MREG: variants seen among roughly 807,000 people sequenced by gnomAD.
MREG encodes the protein dilute suppressor protein homolog.
A neutral mutation model predicts 28.5 loss-of-function variants in MREG; 31 were observed. The observed-to-expected ratio is 1.09, with a 90% CI of 0.82 to 1.47. The LOEUF (loss-of-function observed/expected upper bound fraction) is 1.47, where lower values mean the gene tolerates loss of function less well. Ranked by LOEUF, MREG falls within the 40% of genes most tolerant of loss-of-function variation. MREG has a pLI of 0.00. For missense variants in MREG, 256 were observed against 257.4 expected, an observed-to-expected ratio of 0.99 and a Z score of 0.04; for synonymous variants, 106 against 95.2, an observed-to-expected ratio of 1.11 and a Z score of -0.66.
At chr2:215,942,490 C>T (rs907965614), downstream of MREG, among the ~76,000 whole-genome samples, 35 of 152,274 alleles carry the variant, frequency 2.3e-4, no homozygotes, top group African/African-American at 8.2e-4. Context: ...TCCTTAAACC[C>T]ATGAGTGTTT....
rs1693401181 is a variant in MREG, at chr2:215,980,682, C to T, written c.255+15624G>A. 6.6e-5 allele frequency among the ~76,000 whole-genome samples: 10 copies of T among 152,274 alleles called. No homozygotes were observed. The South Asian group carries it at 2.1e-3, about 32-fold the overall frequency. On this transcript the variant is annotated intron_variant, in intron 2 of 4. Transcript: ENST00000263268. ...CAGTGGCTCATGCCTGTAATCCCAGCACTTGGGGAGGCCAAGGTACTCGGG... is the reference window on the plus strand; with the variant it reads ...CAGTGGCTCATGCCTGTAATCCCAGTACTTGGGGAGGCCAAGGTACTCGGG...
At chr2:215,984,587 AAACTCCT>A (rs1484141890) in intron 2 of MREG, among the ~76,000 whole-genome samples, 10 of 152,034 alleles carry the variant, frequency 6.6e-5, no homozygotes, top group South Asian at 4.2e-4. Context: ...AGCTATGTAC[AAACTCCT>A]AAAGGAACTG....
At chr2:216,016,842 C>T (rs138260499), upstream of MREG, among the ~76,000 whole-genome samples, 13 of 152,308 alleles carry the variant, frequency 8.5e-5, 1 homozygote, top group South Asian at 6.2e-4. Flanking sequence ...ATCTATTTAA[C>T]AAACTTGATC....
intron 2 of MREG, among the ~76,000 whole-genome samples, chr2:215,972,085 A>G (rs1265720507): frequency 3.3e-5 from 5 of 152,042 alleles, no homozygotes; most frequent in Non-Finnish European, 1.5e-5. Flanking sequence ...TGGACAGGAA[A>G]CCACCTGGAT....
chr2:215,981,779 T>A (rs1693433728), intron 2 of MREG, among the ~76,000 whole-genome samples: 1 of 152,158 alleles, frequency 6.6e-6, no homozygotes, highest in South Asian at 2.1e-4. Context: ...AGTGACTATG[T>A]CCCAAACTGG....
At chr2:215,968,994 A>T (rs111766770) in intron 2 of MREG, among the ~76,000 whole-genome samples, 1 of 152,218 alleles carries the variant, frequency 6.6e-6, no homozygotes, top group African/African-American at 2.4e-5. Context: ...CCTGAGCTCA[A>T]GCAATCCTCC....
chr2:215,952,390 T>G (rs1171213400), intron 2 of MREG, among the ~76,000 whole-genome samples: 1 of 152,178 alleles, frequency 6.6e-6, no homozygotes, highest in Non-Finnish European at 1.5e-5. Context: ...TTAATTTGAC[T>G]GCGGCAATCA....
At chr2:216,032,803 G>T (rs1694730147) in exon 1 of MREG, 1 of 152,152 alleles carries the variant, frequency 6.6e-6, no homozygotes, top group Non-Finnish European at 1.5e-5. Context: ...CTTGAATACG[G>T]TTTAGAATCT....
At chr2:215,947,612 C>T (rs1406711194) in intron 2 of MREG, among the ~76,000 whole-genome samples, 1 of 152,204 alleles carries the variant, frequency 6.6e-6, no homozygotes, top group African/African-American at 2.4e-5. Context: ...GAAGCCAAGT[C>T]TGGCTCAAAA....
At chr2:215,955,407 T>C (rs1034718207) in intron 2 of MREG, among the ~76,000 whole-genome samples, 1 of 152,242 alleles carries the variant, frequency 6.6e-6, no homozygotes, top group Non-Finnish European at 1.5e-5. Context: ...CGTGGATTCA[T>C]GCACTATATA....
intron 1 of MREG, among the ~76,000 whole-genome samples, chr2:216,031,499 GAAA>G (rs1471893949): frequency 7.1e-5 from 9 of 126,370 alleles, no homozygotes; most frequent in East Asian, 2.4e-4. Flanking sequence ...GAAAGAGAAA[GAAA>G]GAGAGAAAGG....
At chr2:216,009,678 G>A (rs1694246565) in intron 1 of MREG, among the ~76,000 whole-genome samples, 1 of 152,130 alleles carries the variant, frequency 6.6e-6, no homozygotes, top group Non-Finnish European at 1.5e-5. Flanking sequence ...TGGGATTACA[G>A]GTGCCCGCCA....
At chr2:215,977,411 A>G (rs945739565) in intron 2 of MREG, among the ~76,000 whole-genome samples, 4 of 152,194 alleles carry the variant, frequency 2.6e-5, no homozygotes, top group African/African-American at 9.7e-5. Context: ...AGAGACTTAG[A>G]CTCCCACACA....
At chr2:216,008,789 A>G (rs1280402943) in intron 1 of MREG, among the ~76,000 whole-genome samples, 1 of 152,212 alleles carries the variant, frequency 6.6e-6, no homozygotes, top group Non-Finnish European at 1.5e-5. Flanking sequence ...TGGCCCACAG[A>G]TACAAAGCAT....
intron 2 of MREG, among the ~76,000 whole-genome samples, chr2:215,967,243 G>C (rs1224938931): frequency 1.3e-5 from 2 of 152,070 alleles, no homozygotes; most frequent in African/African-American, 4.8e-5. Flanking sequence ...TCAGTCATCT[G>C]CCTGCCTCTT....
At chr2:215,958,153 G>A in intron 2 of MREG, among the ~76,000 whole-genome samples, 1 of 151,660 alleles carries the variant, frequency 6.6e-6, no homozygotes, top group African/African-American at 2.4e-5. Flanking sequence ...TATACCTAAT[G>A]CTAAATGACA....
Position 215,994,159 on chromosome 2 carries a change from A to G in MREG, c.255+2147T>C, listed in dbSNP as rs185612702. On this transcript the variant is annotated intron_variant, in intron 2 of 4. Transcript: ENST00000263268. ...TCACAAAAGCAAAGATTTGGAACCA[A>G]CCCAAATGCCCATCAATGATAGACT... Among the ~76,000 whole-genome samples, 564 of 152,120 alleles carry G rather than the reference A, an allele frequency of 3.7e-3. 12 individuals are homozygous for G. The highest frequency in any genetic ancestry group is 0.013 in the African/African-American group (538 of 41,374).
chr2:216,003,000 T>G (rs186244438), intron 1 of MREG, among the ~76,000 whole-genome samples: 12 of 152,138 alleles, frequency 7.9e-5, no homozygotes, highest in African/African-American at 2.7e-4. Context: ...CTCTCCTTCC[T>G]TTGTTCTTTC....
chr2:216,005,444 C>CTTTTTTTTT (rs58288878), intron 1 of MREG, among the ~76,000 whole-genome samples: 17 of 86,326 alleles, frequency 2.0e-4, no homozygotes, highest in Non-Finnish European at 3.4e-4. Context: ...TCTAGTTATT[C>CTTTTTTTTT]TTTTTTTTTT....
Sources: gnomAD v4.1 joint callset for allele counts (sites outside exome capture counted in the v4.1 genomes callset) on GRCh38, gnomAD v4.1.1 for gene constraint, MANE v1.5 for transcripts, NCBI Gene and HGNC (gene_info 2026-07-23, HGNC 2026-07-21) for gene names.